The following DCC variants were observed in gnomAD, a reference collection of about 807,000 sequenced individuals.
The protein encoded by DCC is DCC netrin 1 receptor.
In DCC, 58 loss-of-function variants were observed where a neutral mutation model predicts 172.5. The ratio of observed to expected loss-of-function variants is 0.34; its 90% CI spans 0.27 to 0.42. The LOEUF is 0.42. Ranked by LOEUF, DCC falls within the 10% of genes least tolerant of loss-of-function variation. The pLI is 1.00. For synonymous variants in DCC, 709 were observed against 644.5 expected (o/e 1.10, Z -1.52); for missense variants, 1,740 against 1,791.0 (o/e 0.97, Z 0.51).
intron 1 of DCC, among the ~76,000 whole-genome samples, chr18:52,552,694 T>A (rs1429391135): frequency 6.6e-6 from 1 of 152,056 alleles, no homozygotes; most frequent in East Asian, 1.9e-4. Flanking sequence ...GTTAATTAAC[T>A]GGCTTAAGGC....
intron 12 of DCC, among the ~76,000 whole-genome samples, chr18:53,242,871 G>GGTGTGTGTGTGTGT (rs3059140): frequency 3.4e-5 from 5 of 148,526 alleles, no homozygotes; most frequent in African/African-American, 1.2e-4. Context: ...ATGACAAGTA[G>GGTGTGTGTGTGTGT]GTGTGTGTGT....
intron 21 of DCC, among the ~76,000 whole-genome samples, chr18:53,424,435 G>A (rs1445789288): frequency 6.6e-6 from 1 of 152,152 alleles, no homozygotes; most frequent in Non-Finnish European, 1.5e-5. Flanking sequence ...TTTTCAAGAA[G>A]CTTGCAATAT....
At chr18:52,654,459 T>C (rs1381705348) in intron 1 of DCC, among the ~76,000 whole-genome samples, 1 of 152,110 alleles carries the variant, frequency 6.6e-6, no homozygotes, top group Non-Finnish European at 1.5e-5. Flanking sequence ...TTTATTGTCT[T>C]ACAGTTCTGG....
At chr18:53,046,626 T>C (rs578089812) in intron 5 of DCC, among the ~76,000 whole-genome samples, 5 of 151,976 alleles carry the variant, frequency 3.3e-5, no homozygotes, top group Non-Finnish European at 7.4e-5. Flanking sequence ...GGAAAGGCAA[T>C]ACAAGAACCA....
intron 2 of DCC, among the ~76,000 whole-genome samples, chr18:52,830,736 C>T (rs1008984511): frequency 2.6e-5 from 4 of 152,088 alleles, no homozygotes; most frequent in African/African-American, 9.7e-5. Context: ...CCCGTTGGGA[C>T]CCAAGAAACC....
intron 3 of DCC, among the ~76,000 whole-genome samples, chr18:52,910,742 C>G (rs1363273909): frequency 2.6e-5 from 4 of 152,058 alleles, no homozygotes; most frequent in African/African-American, 4.8e-5. Flanking sequence ...TGCCTAATGG[C>G]CTAATTGAAT....
At chr18:53,017,101 G>A (rs1238692159) in intron 5 of DCC, among the ~76,000 whole-genome samples, 1 of 138,526 alleles carries the variant, frequency 7.2e-6, no homozygotes, top group African/African-American at 2.7e-5. Context: ...TTTTTGAGAC[G>A]GAGTCTCACT....
chr18:52,490,722 T>C (rs1598859172), intron 1 of DCC, among the ~76,000 whole-genome samples: 1 of 152,116 alleles, frequency 6.6e-6, no homozygotes, highest in South Asian at 2.1e-4. Context: ...AAGTTGGGCA[T>C]CATTGGTAAC....
chr18:53,302,671 C>T (rs938839072), intron 12 of DCC, among the ~76,000 whole-genome samples: 1 of 152,034 alleles, frequency 6.6e-6, no homozygotes, highest in African/African-American at 2.4e-5. Flanking sequence ...CTATACTGTC[C>T]TTAGCATATA....
intron 1 of DCC, among the ~76,000 whole-genome samples, chr18:52,373,646 GCT>G (rs141648623): frequency 1.5e-4 from 22 of 150,026 alleles, no homozygotes; most frequent in East Asian, 2.0e-4. Flanking sequence ...GAAGGTTAGA[GCT>G]CTCTCTCTCT....
At chr18:53,200,182 G>A (rs571159971) in intron 9 of DCC, among the ~76,000 whole-genome samples, 24 of 152,082 alleles carry the variant, frequency 1.6e-4, no homozygotes, top group Non-Finnish European at 2.4e-4. Context: ...ATATTTCCCC[G>A]CCAATAGTAA....
intron 1 of DCC, among the ~76,000 whole-genome samples, chr18:52,405,543 C>G (rs9675357): frequency 0.029 from 4,425 of 151,208 alleles, 194 homozygotes; most frequent in African/African-American, 0.099. Context: ...AAACAGAGAG[C>G]CGAATCGTGA....
intron 12 of DCC, among the ~76,000 whole-genome samples, chr18:53,269,558 T>G (rs1160135613): frequency 6.6e-6 from 1 of 152,188 alleles, no homozygotes; most frequent in Non-Finnish European, 1.5e-5. Flanking sequence ...AGAATAATAG[T>G]CGTAATATTA....
rs190952527 is a variant in DCC, at chr18:53,497,472, T to G, written c.3899-1826T>G. 2.1e-3 allele frequency among the ~76,000 whole-genome samples: 313 copies of G among 152,318 alleles called. 8 individuals are homozygous for G. The highest frequency in any genetic ancestry group is 1.2e-3 in the East Asian group (6 of 5,182). On this transcript the variant is annotated intron_variant, in intron 26 of 28. Coordinates refer to ENST00000442544, the MANE Select transcript of DCC (RefSeq NM_005215.4). ...TGGGAACAAAGAGTGAGGAGAGGAC[T>G]TGATGTCATCTCTTTCAGGCCAGTG...
In DCC at chr18:53,459,237, G is replaced by A. The variant is rs753074420; in HGVS notation, c.3398G>A (p.Arg1133Gln). The change falls in exon 24 of 29, where the codon CGG (arginine) becomes CAG (glutamine). Residue 1133 changes from arginine (R) to glutamine (Q), a missense_variant. Arg to Gln is a conservative substitution (Grantham distance 43, BLOSUM62 1). Transcript: ENST00000442544. ...RRSSAQQRKKRATHSAGKRKG... is the reference protein window; with the variant it reads ...RRSSAQQRKKQATHSAGKRKG... ...CTTCTAACTTTGTTCCATAGGAAAC[G>A]GGCCACCCACAGTGCTGGCAAAAGG... is the stretch of plus-strand genomic sequence containing the variant. 10 of 1,613,340 alleles carry A rather than the reference G, an allele frequency of 6.2e-6. No individual in the cohort carries two copies. The highest frequency in any genetic ancestry group is 3.3e-5 in the South Asian group (3 of 91,066).
intron 7 of DCC, among the ~76,000 whole-genome samples, chr18:53,139,420 G>A (rs1008148640): frequency 6.6e-6 from 1 of 151,546 alleles, no homozygotes; most frequent in Non-Finnish European, 1.5e-5. Context: ...AGGATAAAGT[G>A]TCCAATGTCA....
chr18:52,480,199 A>T (rs1363822407), intron 1 of DCC, among the ~76,000 whole-genome samples: 1 of 151,942 alleles, frequency 6.6e-6, no homozygotes, highest in Non-Finnish European at 1.5e-5. Context: ...TATTAGCCTA[A>T]TATTCCAGAA....
chr18:53,098,548 C>T (rs1261342070), intron 7 of DCC, among the ~76,000 whole-genome samples: 1 of 152,160 alleles, frequency 6.6e-6, no homozygotes, highest in Non-Finnish European at 1.5e-5. Context: ...CTAAGTTATG[C>T]ATTTTGAGTT....
At chr18:52,417,968 C>T (rs933231379) in intron 1 of DCC, among the ~76,000 whole-genome samples, 16 of 152,108 alleles carry the variant, frequency 1.1e-4, no homozygotes, top group African/African-American at 3.6e-4. Flanking sequence ...CAGCTCTGTC[C>T]GCATCATCTG....
Sources: gnomAD v4.1 joint callset for allele counts (sites outside exome capture counted in the v4.1 genomes callset) on GRCh38, gnomAD v4.1.1 for gene constraint, MANE v1.5 for transcripts, NCBI Gene and HGNC (gene_info 2026-07-23, HGNC 2026-07-21) for gene names.